The following SAMD12 variants were observed in gnomAD, a reference collection of about 807,000 sequenced individuals.
SAMD12 encodes the protein sterile alpha motif domain-containing protein 12.
A neutral mutation model predicts 15.0 loss-of-function variants in SAMD12; 9 were observed. The observed-to-expected ratio is 0.60, with a 90% CI of 0.36 to 1.05. The LOEUF (loss-of-function observed/expected upper bound fraction) is 1.05, where lower values mean the gene tolerates loss of function less well. SAMD12 is among the 50% of genes least tolerant of loss of function. The probability of loss-of-function intolerance (pLI) is 0.01; values close to 1 mark genes in which losing one functional copy is unlikely to be tolerated. For synonymous variants in SAMD12, 86 were observed against 90.1 expected (o/e 0.96, Z 0.25); for missense variants, 230 against 234.2 (o/e 0.98, Z 0.12).
chr8:118,559,828 T>C (rs1428898831), intron 2 of SAMD12, among the ~76,000 whole-genome samples: 1 of 152,214 alleles, frequency 6.6e-6, no homozygotes, highest in East Asian at 1.9e-4. Flanking sequence ...TAATGGGGTG[T>C]TGTAAAAATT....
At chr8:118,524,395 A>G (rs1825477195) in intron 2 of SAMD12, among the ~76,000 whole-genome samples, 1 of 151,770 alleles carries the variant, frequency 6.6e-6, no homozygotes, top group African/African-American at 2.4e-5. Context: ...CTCCTACCAC[A>G]CTGGTTGCTC....
intron 2 of SAMD12, among the ~76,000 whole-genome samples, chr8:118,442,935 C>T (rs7831301): frequency 0.024 from 3,704 of 152,250 alleles, 132 homozygotes; most frequent in African/African-American, 0.083. Flanking sequence ...AAAGGGAGGA[C>T]GCTCAGCCTC....
chr8:118,606,598 A>T (rs1004078329), intron 1 of SAMD12, among the ~76,000 whole-genome samples: 21 of 148,786 alleles, frequency 1.4e-4, no homozygotes, highest in African/African-American at 5.1e-4. Context: ...AAAAGAAAAG[A>T]AAAAAAAACA....
intron 4 of SAMD12, chr8:118,282,386 A>C: frequency 2.2e-6 from 1 of 456,116 alleles, no homozygotes; most frequent in Non-Finnish European, 4.4e-6. Context: ...GTTGGTTGAA[A>C]GCTAAGCTCC....
the SAMD12 span, among the ~76,000 whole-genome samples, chr8:118,148,171 C>T: frequency 2.6e-5 from 4 of 151,866 alleles, no homozygotes; most frequent in Non-Finnish European, 4.4e-5. Flanking sequence ...CTCAAGTGAT[C>T]CACTCCCCTA....
chr8:118,459,059 G>T lies in SAMD12; in HGVS notation c.193-19098C>A, dbSNP rs569986501. 6.1e-5 allele frequency among the ~76,000 whole-genome samples: 7 copies of T among 114,866 alleles called. No homozygotes were observed. In the East Asian group the frequency reaches 1.5e-3, roughly 25 times the overall value. The allele number at this position is 114,866 out of a possible 152,430, so 75.4% of individuals were successfully genotyped here. A position where few individuals can be genotyped will look rare whatever the true frequency, so the allele number is the denominator to read the frequency against. On this transcript the variant is annotated intron_variant, in intron 2 of 3. Coordinates refer to ENST00000314727, the MANE Select transcript of SAMD12 (RefSeq NM_207506.3). ...AAAAAAAATCTGCTACCCAGGAAAG[G>T]TATCAAACAATTGTTTTTTTTTTGG...
In SAMD12 at chr8:118,458,873, G is replaced by T. The variant is rs575347053; in HGVS notation, c.193-18912C>A. 1.3e-3 allele frequency among the ~76,000 whole-genome samples: 199 copies of T among 152,086 alleles called. 1 individual carries two copies. Among genetic ancestry groups the T allele is most frequent in the African/African-American group, 4.4e-3 (184 of 41,480 alleles). On this transcript the variant is annotated intron_variant, in intron 2 of 3. Transcript: ENST00000314727. ...CCATATAAAAAGTTGAAAATCTGTA[G>T]ATTTAATGTGCCTGACACTTAATTT...
intron 4 of SAMD12, among the ~76,000 whole-genome samples, chr8:118,280,851 G>A (rs533621000): frequency 5.3e-5 from 8 of 152,244 alleles, no homozygotes; most frequent in East Asian, 3.9e-4. Flanking sequence ...TGCAGGCTAC[G>A]TCAGCCACCT....
At chr8:118,519,988 T>G (rs1283859660) in intron 2 of SAMD12, among the ~76,000 whole-genome samples, 5 of 152,204 alleles carry the variant, frequency 3.3e-5, no homozygotes, top group Non-Finnish European at 7.3e-5. Flanking sequence ...TCTTCTGTGA[T>G]TACTGATAAT....
chr8:118,306,623 C>T (rs992441495), intron 4 of SAMD12, among the ~76,000 whole-genome samples: 5 of 152,156 alleles, frequency 3.3e-5, no homozygotes, highest in African/African-American at 1.2e-4. Flanking sequence ...AGTAAAGCCA[C>T]CACCCCAGCC....
intron 2 of SAMD12, among the ~76,000 whole-genome samples, chr8:118,455,492 G>A (rs1014089519): frequency 2.0e-5 from 3 of 152,020 alleles, no homozygotes; most frequent in African/African-American, 7.2e-5. Context: ...ATGCTTTGGG[G>A]TTTGGTTTGG....
At chr8:118,386,992 C>T (rs1006535491) in intron 3 of SAMD12, among the ~76,000 whole-genome samples, 10 of 152,152 alleles carry the variant, frequency 6.6e-5, no homozygotes, top group African/African-American at 2.4e-4. Flanking sequence ...GACAGTTCCC[C>T]AAATAAATGG....
At chr8:118,464,403 T>C (rs1228959208) in intron 2 of SAMD12, among the ~76,000 whole-genome samples, 2 of 152,102 alleles carry the variant, frequency 1.3e-5, no homozygotes, top group African/African-American at 2.4e-5. Context: ...AGAGAAAAGA[T>C]GGGTCCAGGA....
At chr8:118,548,720 G>A (rs1002336363) in intron 2 of SAMD12, among the ~76,000 whole-genome samples, 16 of 152,212 alleles carry the variant, frequency 1.1e-4, no homozygotes, top group African/African-American at 3.6e-4. Context: ...GAAGCAGGGC[G>A]AGGCATTGCC....
intron 4 of SAMD12, among the ~76,000 whole-genome samples, chr8:118,264,698 C>T (rs981723906): frequency 6.6e-6 from 1 of 152,058 alleles, no homozygotes; most frequent in Admixed American, 6.6e-5. Flanking sequence ...CAAGGCACAC[C>T]AAAGGTTACA....
At chr8:118,237,234 G>A (rs1453303564) in intron 4 of SAMD12, among the ~76,000 whole-genome samples, 1 of 152,006 alleles carries the variant, frequency 6.6e-6, no homozygotes, top group Non-Finnish European at 1.5e-5. Context: ...ATTACTCTAG[G>A]TGTCCCTGTC....
intron 2 of SAMD12, among the ~76,000 whole-genome samples, chr8:118,498,152 TC>T (rs1824679687): frequency 6.6e-6 from 1 of 152,178 alleles, no homozygotes; most frequent in Non-Finnish European, 1.5e-5. Context: ...GGCTTCTGAT[TC>T]CAGCTGAGAC....
chr8:118,390,115 T>C (rs1820189996), intron 3 of SAMD12, among the ~76,000 whole-genome samples: 1 of 152,132 alleles, frequency 6.6e-6, no homozygotes, highest in Non-Finnish European at 1.5e-5. Context: ...CATGCCATTC[T>C]CCTGCCTCAG....
chr8:118,509,902 C>T lies in SAMD12; in HGVS notation c.193-69941G>A, dbSNP rs181544483. Among the ~76,000 whole-genome samples the T allele has an allele frequency of 2.4e-3, 358 of 152,206 alleles. 6 individuals are homozygous for T. Among genetic ancestry groups the T allele is most frequent in the African/African-American group, 8.3e-3 (345 of 41,514 alleles). On this transcript the variant is annotated intron_variant, in intron 2 of 3. Transcript: ENST00000314727. Reference sequence around the variant, plus strand: ...TAACATTGTAATTGTTAACGTACAACAGATTTTAATAATAGTAAAGAATAT... The same window carrying T: ...TAACATTGTAATTGTTAACGTACAATAGATTTTAATAATAGTAAAGAATAT...
Sources: allele counts gnomAD v4.1 joint callset (sites outside exome capture counted in the v4.1 genomes callset), GRCh38; gene constraint gnomAD v4.1.1; transcripts MANE v1.5; gene names NCBI Gene and HGNC (gene_info 2026-07-23, HGNC 2026-07-21).